The following SMURF1 variants were observed in gnomAD, a reference collection of about 807,000 sequenced individuals.
The protein encoded by SMURF1 is SMAD specific E3 ubiquitin protein ligase 1.
SMURF1 carries 44 observed loss-of-function variants against 98.0 expected under a neutral mutation model. That is an observed-to-expected ratio of 0.45 (90% CI 0.35 to 0.58). The LOEUF (loss-of-function observed/expected upper bound fraction) is 0.58. SMURF1 is among the 20% of genes least tolerant of loss of function. SMURF1 has a pLI of 0.00. For missense variants in SMURF1, 687 were observed against 938.4 expected (o/e 0.73, Z 3.50); for synonymous variants, 396 against 374.9 (o/e 1.06, Z -0.65).
At chr7:99,141,289 A>G (rs1798113423) in intron 1 of SMURF1, among the ~76,000 whole-genome samples, 1 of 152,242 alleles carries the variant, frequency 6.6e-6, no homozygotes, top group African/African-American at 2.4e-5. Flanking sequence ...ATTGATTAAT[A>G]TACATACACC....
intron 5 of SMURF1, 35 bp downstream of exon 5, chr7:99,057,170 A>G: frequency 2.5e-6 from 4 of 1,609,542 alleles, no homozygotes; most frequent in Non-Finnish European, 8.5e-7. Flanking sequence ...AAGTTCTGGA[A>G]AAGCATCTCT....
rs1237548574 is a variant in SMURF1 at position 99,028,621 on chromosome 7, A to G, written c.*1963T>C. The stretch of plus-strand genomic sequence containing the variant: ...GCAAAAAGGTAGTTTTAAAGGCGTC[A>G]AATGCAACATTCCTGCTTCAAAGTC... On this transcript the variant is annotated 3_prime_UTR_variant, in exon 18 of 18. Coordinates refer to ENST00000361368, the MANE Select transcript of SMURF1 (RefSeq NM_181349.3). The G allele has an allele frequency of 6.6e-6, 1 of 152,268 alleles. No homozygotes were observed. Among genetic ancestry groups the G allele is most frequent in the African/African-American group, 2.4e-5 (1 of 41,466 alleles). 9.4% of individuals were successfully genotyped at this position (152,268 alleles called of 1,614,324 possible).
chr7:99,077,905 C>G (rs1362421230), intron 1 of SMURF1, among the ~76,000 whole-genome samples: 1 of 152,096 alleles, frequency 6.6e-6, no homozygotes, highest in African/African-American at 2.4e-5. Flanking sequence ...ACAAATAAAA[C>G]AGCTTTTACA....
intron 14 of SMURF1, among the ~76,000 whole-genome samples, chr7:99,038,135 G>A (rs1288058690): frequency 6.6e-6 from 1 of 151,860 alleles, no homozygotes; most frequent in Non-Finnish European, 1.5e-5. Flanking sequence ...GAATTAGGTG[G>A]TCACTGAAAA....
chr7:99,143,455 G>A (rs1432070968), intron 1 of SMURF1, among the ~76,000 whole-genome samples: 1 of 143,788 alleles, frequency 7.0e-6, no homozygotes, highest in African/African-American at 2.6e-5. Flanking sequence ...AATGAGAGGG[G>A]CGGGGCCAGG....
chr7:99,074,965 TACAATGC>T (rs1258342353), intron 1 of SMURF1, among the ~76,000 whole-genome samples: 3 of 152,160 alleles, frequency 2.0e-5, no homozygotes, highest in Non-Finnish European at 2.9e-5. Flanking sequence ...TAATCATTGG[TACAATGC>T]ACAATGCACA....
At chr7:99,112,679 T>C (rs1385600961) in intron 1 of SMURF1, among the ~76,000 whole-genome samples, 1 of 152,158 alleles carries the variant, frequency 6.6e-6, no homozygotes, top group African/African-American at 2.4e-5. Flanking sequence ...CTGGACTTAC[T>C]AGACAAAGAC....
At position 99,027,635 on chromosome 7, in the gene SMURF1, AAACAGTGGGAAG is replaced by A. The variant is rs1203761116; in HGVS notation, c.*2937_*2948del. 1 of 152,710 alleles carries A rather than the reference AAACAGTGGGAAG, an allele frequency of 6.5e-6. No individual in the cohort carries two copies. The highest frequency in any genetic ancestry group is 1.5e-5 in the Non-Finnish European group (1 of 68,046). 9.5% of individuals were successfully genotyped at this position (152,710 alleles called of 1,614,324 possible). On this transcript the variant is annotated 3_prime_UTR_variant, in exon 18 of 18. Coordinates refer to ENST00000361368, the MANE Select transcript of SMURF1 (RefSeq NM_181349.3). The stretch of plus-strand genomic sequence containing the variant: ...CTTTCACAAAATAAATCAGTGATAA[AAACAGTGGGAAG>A]GATAACAAGGATAGCAGCAATACTT...
At chr7:99,067,605 C>T (rs1406524518) in intron 1 of SMURF1, among the ~76,000 whole-genome samples, 1 of 152,132 alleles carries the variant, frequency 6.6e-6, no homozygotes, top group Non-Finnish European at 1.5e-5. Flanking sequence ...ACATGAGGTA[C>T]ATTCAGTTAG....
At chr7:99,127,009 C>T (rs911345393) in intron 1 of SMURF1, among the ~76,000 whole-genome samples, 2 of 152,188 alleles carry the variant, frequency 1.3e-5, no homozygotes, top group Non-Finnish European at 2.9e-5. Context: ...CACGTAATCA[C>T]TCAGGGATCT....
chr7:99,087,172 C>T (rs968096023), intron 1 of SMURF1, among the ~76,000 whole-genome samples: 3 of 151,864 alleles, frequency 2.0e-5, no homozygotes, highest in African/African-American at 7.3e-5. Context: ...GAGTTTGAGA[C>T]CAGCCTGGGC....
At position 99,060,673 on chromosome 7, in the gene SMURF1, A is replaced by C. The variant is rs1206027199; in HGVS notation, c.129T>G (p.Asp43Glu). ...LPDPFAKIVV[D>E]GSGQCHSTDT... ...CGGTTGAGTGGCACTGCCCAGACCCATCCACGACAATCTTTGCAAAAGGGT... is the reference window on the plus strand; with the variant it reads ...CGGTTGAGTGGCACTGCCCAGACCCCTCCACGACAATCTTTGCAAAAGGGT... The change falls in exon 3 of 18, where the codon GAT becomes GAG. Residue 43 changes from aspartate (D) to glutamate (E), a missense_variant. This residue lies in a region of SMURF1 where 415 missense variants were observed against 508.4 expected (regional missense o/e 0.82). Coordinates refer to ENST00000361368, the MANE Select transcript of SMURF1 (RefSeq NM_181349.3). 1.2e-6 allele frequency: 2 copies of C among 1,613,912 alleles called. No individual in the cohort carries two copies. The highest frequency in any genetic ancestry group is 2.2e-5 in the South Asian group (2 of 91,018).
intron 1 of SMURF1, among the ~76,000 whole-genome samples, chr7:99,098,106 T>C (rs1440061144): frequency 6.6e-6 from 1 of 152,192 alleles, no homozygotes; most frequent in Non-Finnish European, 1.5e-5. Flanking sequence ...AAATCCCAAT[T>C]AGTAAATTAT....
intron 1 of SMURF1, among the ~76,000 whole-genome samples, chr7:99,082,331 A>T (rs746875744): frequency 6.6e-6 from 1 of 152,188 alleles, no homozygotes; most frequent in African/African-American, 2.4e-5. Flanking sequence ...TTTGTTTGTC[A>T]TATCTAAGAT....
chr7:99,057,143 G>A (rs371591707), intron 5 of SMURF1, 62 bp downstream of exon 5: 23 of 1,577,854 alleles, frequency 1.5e-5, no homozygotes, highest in East Asian at 1.1e-4. Context: ...AGTTCTCGGC[G>A]ATGAAGGGTT....
chr7:99,051,582 G>T, intron 7 of SMURF1, 141 bp from the exon 8 acceptor site: 1 of 692,186 alleles, frequency 1.4e-6, no homozygotes. Flanking sequence ...CTCTGAGGTG[G>T]CCGAATAATC....
intron 1 of SMURF1, among the ~76,000 whole-genome samples, chr7:99,140,790 AGT>A (rs902725850): frequency 6.8e-6 from 1 of 146,364 alleles, no homozygotes; most frequent in Non-Finnish European, 1.5e-5. Flanking sequence ...CATTTTTAAC[AGT>A]CTTTTTTTTT....
intron 1 of SMURF1, among the ~76,000 whole-genome samples, chr7:99,096,774 A>G (rs1400414820): frequency 6.6e-6 from 1 of 152,256 alleles, no homozygotes; most frequent in African/African-American, 2.4e-5. Context: ...AAGGATATAT[A>G]TAGAAGAACT....
chr7:99,052,210 C>G lies in SMURF1; in HGVS notation c.716G>C (p.Gly239Ala), dbSNP rs1310140195. The change falls in exon 7 of 18, where the codon GGC becomes GCC. Residue 239 changes from glycine (G) to alanine (A), a missense_variant. Around this residue, in one of 2 missense-constraint regions of SMURF1, gnomAD observed 415 missense variants for 508.4 expected, o/e 0.82. Coordinates refer to ENST00000361368, the MANE Select transcript of SMURF1 (RefSeq NM_181349.3). ...AGCAGGATACATTCTCTCACCGTAG[C>G]CTTCGGGCAGTTCCGGGGACTGGTG... Reference protein sequence around the residue: ...HGHQSPELPEGYEQRTTVQGQ... With the variant: ...HGHQSPELPEAYEQRTTVQGQ... 1 of 1,560,558 alleles carries G rather than the reference C, an allele frequency of 6.4e-7. No homozygotes were observed. The highest frequency in any genetic ancestry group is 1.8e-5 in the Admixed American group (1 of 55,152).
Sources: gnomAD v4.1 joint callset for allele counts (sites outside exome capture counted in the v4.1 genomes callset) on GRCh38, gnomAD v4.1.1 for gene constraint, gnomAD v4.1.1 regional missense constraint, MANE v1.5 for transcripts, NCBI Gene and HGNC (gene_info 2026-07-23, HGNC 2026-07-21) for gene names.